The following MRPL2 variants were observed in gnomAD, a reference collection of about 807,000 sequenced individuals.
MRPL2 encodes large ribosomal subunit protein uL2m.
In MRPL2, 27 loss-of-function variants were observed where a neutral mutation model predicts 34.6. The observed-to-expected ratio is 0.78, with a 90% confidence interval of 0.58 to 1.08. The LOEUF (loss-of-function observed/expected upper bound fraction) is 1.08, where lower values mean the gene tolerates loss of function less well. Among genes scored for constraint, MRPL2 ranks in the 50% least tolerant of loss-of-function variants. The probability of loss-of-function intolerance (pLI) is 0.00; values close to 1 mark genes in which losing one functional copy is unlikely to be tolerated. For missense variants in MRPL2, 414 were observed against 419.3 expected, an observed-to-expected ratio of 0.99 and a Z score of 0.11; for synonymous variants, 155 against 158.0, an observed-to-expected ratio of 0.98 and a Z score of 0.14.
intron 1 of MRPL2, 137 bp downstream of exon 1, chr6:43,059,149 G>C (rs1272499269): frequency 6.5e-7 from 1 of 1,549,244 alleles, no homozygotes; most frequent in East Asian, 2.4e-5. Flanking sequence ...AAAAAGCTGA[G>C]GCTAAGTGTG....
At chr6:43,055,313 C>T (rs1381781665) in intron 6 of MRPL2, among the ~76,000 whole-genome samples, 2 of 151,898 alleles carry the variant, frequency 1.3e-5, no homozygotes, top group East Asian at 1.9e-4. Flanking sequence ...GAGCCCAGAT[C>T]GTGCCATTGC....
rs1002704714 is a variant in MRPL2 at position 43,059,099 on chromosome 6, T to A, written c.96+187A>T. The A allele has an allele frequency of 1.3e-5, 20 of 1,522,180 alleles. No homozygotes were observed. In the African/African-American group the frequency reaches 2.8e-4, roughly 21 times the overall value. 94.3% of individuals were successfully genotyped at this position (1,522,180 alleles called of 1,614,324 possible). A position where few individuals can be genotyped will look rare whatever the true frequency, so the allele number is the denominator to read the frequency against. ...GCACTTTCACCTTAAGTATCTCGTC[T>A]GAAGAATTTCGCCCTATGAGAAAGC... On this transcript the variant is annotated intron_variant, in intron 1 of 6. Coordinates refer to ENST00000388752, the MANE Select transcript of MRPL2 (RefSeq NM_015950.5).
Position 43,055,949 on chromosome 6 carries a change from G to T in MRPL2, c.579C>A (p.Ile193=). 6.2e-7 allele frequency: 1 copy of T among 1,614,068 alleles called. No individual in the cohort carries two copies. Among genetic ancestry groups the T allele is most frequent in the Non-Finnish European group, 8.5e-7 (1 of 1,179,998 alleles). The part of the protein sequence containing the change: ...PLGALPVGTL[I]NNVESEPGRG... ...GGCCTGGCTCACTTTCCACGTTGTT[G>T]ATGAGGGTCCCCACAGGCAGAGCCC... is the stretch of plus-strand genomic sequence containing the variant. The change falls in exon 5 of 7, where the codon ATC becomes ATA. Residue 193 remains isoleucine (I), a synonymous_variant. Coordinates refer to ENST00000388752, the MANE Select transcript of MRPL2 (RefSeq NM_015950.5).
rs767379782 is a variant in MRPL2 at position 43,054,324 on chromosome 6, G to T, written c.868C>A (p.Pro290Thr). The change falls in exon 7 of 7, where the codon CCC (proline) becomes ACC (threonine). Residue 290 changes from proline to threonine, a missense_variant. Transcript: ENST00000388752. ...AGCTTCACGTAACTCTTCATGGGGG[G>T]TAGTGGCCGAATCTTTCGGCCAGCC... ...GWAGRKIRPL[P>T]PMKSYVKLPS... The T allele has an allele frequency of 6.2e-7, 1 of 1,613,970 alleles. No individual in the cohort carries two copies. The highest frequency in any genetic ancestry group is 8.5e-7 in the Non-Finnish European group (1 of 1,179,968).
chr6:43,055,842 C>G (rs1170066217), intron 5 of MRPL2, 55 bp downstream of exon 5: 6 of 1,518,554 alleles, frequency 4.0e-6, no homozygotes, highest in African/African-American at 2.8e-5. Flanking sequence ...ACCATGGGTT[C>G]AGACTCTCCT....
At chr6:43,057,760 T>C in intron 2 of MRPL2, 2 of 398,572 alleles carry the variant, frequency 5.0e-6, no homozygotes, top group Non-Finnish European at 8.9e-6. Context: ...ATTACAGTCG[T>C]GAGCCACCTT....
chr6:43,059,671 A>C, upstream of MRPL2: 1 of 1,341,404 alleles, frequency 7.5e-7, no homozygotes, highest in Non-Finnish European at 9.5e-7. Context: ...CGGCAGCCAC[A>C]CCGGCAGATT....
In MRPL2 at chr6:43,055,544, C is replaced by T; in HGVS notation, c.705+1G>A. ...CCCCTCCCATCCATACCCATACACA[C>T]CTGCATCTGCCTCTTAGAGGGCAGC... is the stretch of plus-strand genomic sequence containing the variant. On this transcript the variant is annotated splice_donor_variant, in intron 6 of 6. Transcript: ENST00000388752. LOFTEE classifies it high-confidence loss of function. 1 of 1,613,994 alleles carries T rather than the reference C, an allele frequency of 6.2e-7. No homozygotes were observed.
chr6:43,056,492 T>C (rs982114466), intron 2 of MRPL2, 47 bp from the exon 3 acceptor site: 11 of 1,611,216 alleles, frequency 6.8e-6, no homozygotes, highest in Non-Finnish European at 9.3e-6. Flanking sequence ...CAGAGTAGTT[T>C]AGTTTCCAGC....
At chr6:43,054,557 C>T (rs1764764210) in intron 6 of MRPL2, 71 bp from the exon 7 acceptor site, 3 of 1,336,612 alleles carry the variant, frequency 2.2e-6, no homozygotes, top group Admixed American at 2.0e-5. Context: ...AGAGCACACC[C>T]TTGGGGGGCT....
Position 43,059,331 on chromosome 6 carries a change from G to A in MRPL2, c.51C>T (p.Pro17=), listed in dbSNP as rs566709410. The change falls in exon 1 of 7, where the codon CCC becomes CCT. Residue 17 remains proline (P), a synonymous_variant. Coordinates refer to ENST00000388752, the MANE Select transcript of MRPL2 (RefSeq NM_015950.5). ...TCGGGGCAGGGGCGGCGACGGTCGG[G>A]GGCGCCAGGTTCAGAGAGCGCAGAG... ...TRALRSLNLA[P]PTVAAPAPSL... is the part of the protein sequence containing the mutation. 2.9e-4 allele frequency: 446 copies of A among 1,552,070 alleles called. No homozygotes were observed. The highest frequency in any genetic ancestry group is 3.6e-4 in the Non-Finnish European group (417 of 1,147,466).
Position 43,059,393 on chromosome 6 carries a change from CCTTA to C in MRPL2, c.-16_-13del. 6.5e-7 allele frequency: 1 copy of C among 1,535,710 alleles called. No homozygotes were observed. Among genetic ancestry groups the C allele is most frequent in the Non-Finnish European group, 8.8e-7 (1 of 1,136,356 alleles). ...GCGCACAGGGCCATCAGCACGACAC[CCTTA>C]CTTTTAGCCAAGCTGCTCGGTGCTC... On this transcript the variant is annotated 5_prime_UTR_variant, in exon 1 of 7. Coordinates refer to ENST00000388752, the MANE Select transcript of MRPL2 (RefSeq NM_015950.5).
At chr6:43,058,343 G>T (rs139942848) in intron 1 of MRPL2, 110 bp from the exon 2 acceptor site, 10,701 of 1,022,960 alleles carry the variant, frequency 0.01, 73 homozygotes, top group Middle Eastern at 0.029. Context: ...ACTTCCTCCT[G>T]GATGTATCCC....
intron 1 of MRPL2, among the ~76,000 whole-genome samples, chr6:43,058,768 T>C (rs1267226546): frequency 6.6e-6 from 1 of 152,220 alleles, no homozygotes; most frequent in Non-Finnish European, 1.5e-5. Context: ...TCAGGATACC[T>C]TCCCCTGAGG....
rs1484074408 is a variant in MRPL2, at chr6:43,054,308, T to C, written c.884A>G (p.Tyr295Cys). The C allele has an allele frequency of 2.5e-6, 4 of 1,609,464 alleles. No individual in the cohort carries two copies. Among genetic ancestry groups the C allele is most frequent in the Non-Finnish European group, 3.4e-6 (4 of 1,178,808 alleles). Residue 295 changes from tyrosine to cysteine, a missense_variant, in exon 7 of 7, where the codon TAC becomes TGC. By Grantham distance (194) the Tyr-to-Cys change is radical. Transcript: ENST00000388752. ...GGCAGAAGCAGAAGGCAGCTTCACGTAACTCTTCATGGGGGGTAGTGGCCG... is the reference window on the plus strand; with the variant it reads ...GGCAGAAGCAGAAGGCAGCTTCACGCAACTCTTCATGGGGGGTAGTGGCCG... ...KIRPLPPMKS[Y>C]VKLPSASAQS
intron 5 of MRPL2, 37 bp downstream of exon 5, chr6:43,055,860 C>A: frequency 1.3e-6 from 2 of 1,573,772 alleles, no homozygotes; most frequent in African/African-American, 1.4e-5. Context: ...CCTTGCCTTT[C>A]CAAACTATAG....
At position 43,056,156 on chromosome 6, in the gene MRPL2, G is replaced by A. The variant is rs758478001; in HGVS notation, c.445C>T (p.Arg149Cys). The change falls in exon 4 of 7, where the codon CGC becomes TGC. Residue 149 changes from arginine (R) to cysteine (C), a missense_variant. Arg to Cys is a radical substitution (Grantham distance 180). Coordinates refer to ENST00000388752, the MANE Select transcript of MRPL2 (RefSeq NM_015950.5). ...IALVAGGSRK[R>C]WIIATENMQA... ...ATGTTTTCTGTGGCGATGATCCAGC[G>A]TTTCCGGCTGCCCCCAGCAACCAGA... 21 of 1,614,070 alleles carry A rather than the reference G, an allele frequency of 1.3e-5. No individual in the cohort carries two copies. The highest frequency in any genetic ancestry group is 2.2e-5 in the South Asian group (2 of 91,076).
At chr6:43,056,964 C>T (rs1258053240) in intron 2 of MRPL2, among the ~76,000 whole-genome samples, 3 of 152,190 alleles carry the variant, frequency 2.0e-5, no homozygotes, top group East Asian at 1.9e-4. Flanking sequence ...TGAGCCACTG[C>T]GCCCAGCCAA....
upstream of MRPL2, chr6:43,059,556 C>G (rs1765024365): frequency 1.4e-6 from 2 of 1,426,316 alleles, no homozygotes; most frequent in East Asian, 2.5e-5. Context: ...GCGGGCAGCT[C>G]TAATGTCGCG....
Sources: allele counts gnomAD v4.1 joint callset (sites outside exome capture counted in the v4.1 genomes callset), GRCh38; gene constraint gnomAD v4.1.1; transcripts MANE v1.5; gene names NCBI Gene and HGNC (gene_info 2026-07-23, HGNC 2026-07-21).